The following FHIT variants were observed in gnomAD, a reference collection of about 807,000 sequenced individuals.
The protein encoded by FHIT is fragile histidine triad diadenosine triphosphatase, also known as bis(5'-adenosyl)-triphosphatase.
Under a neutral mutation model 17.9 loss-of-function variants are expected in FHIT, and 19 were observed. The ratio of observed to expected loss-of-function variants is 1.06; its 90% CI spans 0.74 to 1.56. The LOEUF is 1.56. Ranked by LOEUF, FHIT falls within the 40% of genes most tolerant of loss-of-function variation. FHIT has a pLI of 0.00. For missense variants in FHIT, 248 were observed against 189.2 expected, an observed-to-expected ratio of 1.31 and a Z score of -1.82; for synonymous variants, 81 against 69.7, an observed-to-expected ratio of 1.16 and a Z score of -0.81.
At chr3:59,855,014 T>C (rs1372039723) in intron 8 of FHIT, among the ~76,000 whole-genome samples, 2 of 152,198 alleles carry the variant, frequency 1.3e-5, no homozygotes, top group African/African-American at 2.4e-5. Context: ...AAAACTCATA[T>C]CCAGTGATCA....
chr3:61,084,308 G>C (rs1420066227), intron 2 of FHIT, among the ~76,000 whole-genome samples: 2 of 152,122 alleles, frequency 1.3e-5, no homozygotes, highest in African/African-American at 2.4e-5. Flanking sequence ...CCACATTATA[G>C]TAATTATTGT....
At chr3:60,749,003 G>A (rs367687047) in intron 4 of FHIT, among the ~76,000 whole-genome samples, 2 of 152,076 alleles carry the variant, frequency 1.3e-5, no homozygotes, top group Admixed American at 6.5e-5. Context: ...CAGATATGGA[G>A]GGGCAAATGT....
At chr3:59,989,063 G>A (rs1709111280) in intron 7 of FHIT, among the ~76,000 whole-genome samples, 1 of 152,026 alleles carries the variant, frequency 6.6e-6, no homozygotes. Flanking sequence ...TTAGACTCAG[G>A]CTTTAAAGAG....
intron 5 of FHIT, among the ~76,000 whole-genome samples, chr3:60,351,525 T>C (rs1053633868): frequency 8.5e-5 from 13 of 152,196 alleles, no homozygotes; most frequent in Admixed American, 2.6e-4. Flanking sequence ...ATGGAGACTA[T>C]GGTGAAGGAG....
chr3:60,524,551 C>T (rs192464209), intron 5 of FHIT, among the ~76,000 whole-genome samples: 1 of 152,238 alleles, frequency 6.6e-6, no homozygotes, highest in East Asian at 1.9e-4. Flanking sequence ...TTGTATGTAG[C>T]TGCTGTAACA....
intron 5 of FHIT, among the ~76,000 whole-genome samples, chr3:60,434,442 G>T (rs1366504558): frequency 1.3e-5 from 2 of 152,120 alleles, no homozygotes; most frequent in East Asian, 3.9e-4. Flanking sequence ...TGAGATGAGG[G>T]ATGGCAGGGT....
intron 3 of FHIT, among the ~76,000 whole-genome samples, chr3:61,020,774 A>G (rs549326437): frequency 2.0e-5 from 3 of 152,186 alleles, no homozygotes; most frequent in African/African-American, 7.2e-5. Context: ...TCGGTGCGCT[A>G]TATTCAGGAG....
At chr3:60,948,205 G>T in intron 3 of FHIT, among the ~76,000 whole-genome samples, 1 of 152,070 alleles carries the variant, frequency 6.6e-6, no homozygotes, top group Non-Finnish European at 1.5e-5. Flanking sequence ...CCCTAAGGGG[G>T]TCTTATATAT....
intron 3 of FHIT, among the ~76,000 whole-genome samples, chr3:60,830,730 A>T (rs1702299945): frequency 6.6e-6 from 1 of 152,230 alleles, no homozygotes; most frequent in African/African-American, 2.4e-5. Context: ...GAATCGGAGA[A>T]ATCAATTTAA....
intron 5 of FHIT, among the ~76,000 whole-genome samples, chr3:60,325,968 C>T (rs984517606): frequency 5.3e-5 from 8 of 152,152 alleles, no homozygotes; most frequent in Admixed American, 1.3e-4. Flanking sequence ...CAAAGGGGAA[C>T]ATGATGCAAA....
Position 60,524,906 on chromosome 3 carries a change from A to G in FHIT, c.103+11954T>C, listed in dbSNP as rs181318966. ...CCTTTCCTAATAAGGTACCATTCACAGGTTTCAAGGATTGAGATATGGACA... is the reference window on the plus strand; with the variant it reads ...CCTTTCCTAATAAGGTACCATTCACGGGTTTCAAGGATTGAGATATGGACA... On this transcript the variant is annotated intron_variant, in intron 5 of 9. Transcript: ENST00000492590. Among the ~76,000 whole-genome samples, 190 of 152,328 alleles carry G rather than the reference A, an allele frequency of 1.2e-3. 1 individual carries two copies. Among genetic ancestry groups the G allele is most frequent in the Middle Eastern group, 0.01 (3 of 294 alleles).
chr3:60,641,216 T>C (rs2039717096), intron 4 of FHIT, among the ~76,000 whole-genome samples: 1 of 152,000 alleles, frequency 6.6e-6, no homozygotes, highest in Admixed American at 6.6e-5. Context: ...ATACATGTGC[T>C]CAAGTATAGG....
At chr3:60,662,359 G>A (rs2040277610) in intron 4 of FHIT, among the ~76,000 whole-genome samples, 1 of 152,080 alleles carries the variant, frequency 6.6e-6, no homozygotes, top group Non-Finnish European at 1.5e-5. Flanking sequence ...TAAGTATTTG[G>A]CTTTATTTCT....
At chr3:60,342,816 A>T (rs1024628649) in intron 5 of FHIT, among the ~76,000 whole-genome samples, 1 of 152,216 alleles carries the variant, frequency 6.6e-6, no homozygotes, top group African/African-American at 2.4e-5. Context: ...ATTGGAGCAA[A>T]AATTGGAAAT....
intron 4 of FHIT, among the ~76,000 whole-genome samples, chr3:60,623,786 C>T (rs1553679701): frequency 6.6e-6 from 1 of 152,154 alleles, no homozygotes; most frequent in Non-Finnish European, 1.5e-5. Context: ...CAGGAACACA[C>T]CGGTTAACCA....
chr3:60,548,603 T>G (rs1576855218), intron 4 of FHIT, among the ~76,000 whole-genome samples: 2 of 152,186 alleles, frequency 1.3e-5, no homozygotes, highest in East Asian at 1.9e-4. Flanking sequence ...AGAGCGCATA[T>G]TTCCCTTGCC....
At chr3:60,245,859 G>A (rs1262696924) in intron 5 of FHIT, among the ~76,000 whole-genome samples, 5 of 151,656 alleles carry the variant, frequency 3.3e-5, no homozygotes, top group African/African-American at 4.8e-5. Context: ...AACAAGAACT[G>A]GAAAAAAACT....
At chr3:60,824,267 C>T (rs188416655) in intron 3 of FHIT, among the ~76,000 whole-genome samples, 7 of 152,192 alleles carry the variant, frequency 4.6e-5, no homozygotes, top group Non-Finnish European at 5.9e-5. Context: ...CAGTCCTATG[C>T]GAAATATTTT....
At chr3:60,879,209 G>A (rs909136887) in intron 3 of FHIT, among the ~76,000 whole-genome samples, 21 of 152,116 alleles carry the variant, frequency 1.4e-4, no homozygotes, top group African/African-American at 5.1e-4. Flanking sequence ...GTATCTCATT[G>A]TGGTTTTGAT....
Sources: allele counts gnomAD v4.1 joint callset (sites outside exome capture counted in the v4.1 genomes callset), GRCh38; gene constraint gnomAD v4.1.1; transcripts MANE v1.5; gene names NCBI Gene and HGNC (gene_info 2026-07-23, HGNC 2026-07-21).